DOCK10: variants seen among roughly 807,000 people sequenced by gnomAD.
DOCK10 encodes the protein dedicator of cytokinesis protein 10.
A neutral mutation model predicts 280.1 loss-of-function variants in DOCK10; 145 were observed. The observed-to-expected ratio is 0.52, with a 90% CI of 0.45 to 0.59. DOCK10 has a LOEUF of 0.59. Among genes scored for constraint, DOCK10 ranks in the 20% least tolerant of loss-of-function variants. The pLI is 0.00. For missense variants in DOCK10, 2,368 were observed against 2,651.7 expected (o/e 0.89, Z 2.35); for synonymous variants, 915 against 942.2 (o/e 0.97, Z 0.53).
intron 50 of DOCK10, among the ~76,000 whole-genome samples, chr2:224,781,977 G>A (rs535299447): frequency 9.2e-5 from 14 of 152,102 alleles, no homozygotes; most frequent in Non-Finnish European, 1.8e-4. Flanking sequence ...GAATGTATTT[G>A]AGGAGGAATC....
intron 1 of DOCK10, among the ~76,000 whole-genome samples, chr2:224,966,674 G>C (rs1016747601): frequency 2.6e-5 from 4 of 152,158 alleles, no homozygotes. Flanking sequence ...CCCTGAGAAA[G>C]AGGGGAATAA....
At chr2:224,897,792 G>A (rs926920780) in intron 3 of DOCK10, among the ~76,000 whole-genome samples, 4 of 152,124 alleles carry the variant, frequency 2.6e-5, no homozygotes, top group African/African-American at 7.2e-5. Flanking sequence ...ATAGTGGTAC[G>A]TAATGACGGA....
chr2:224,790,755 G>A (rs1471912), intron 47 of DOCK10, among the ~76,000 whole-genome samples: 29,409 of 151,836 alleles, frequency 0.19, 3,369 homozygotes, highest in African/African-American at 0.33. Flanking sequence ...ACTTTCTGGG[G>A]TCGCCTATCT....
chr2:224,981,875 TATAAA>T (rs1467890356), intron 1 of DOCK10, among the ~76,000 whole-genome samples: 22 of 152,342 alleles, frequency 1.4e-4, no homozygotes, highest in Middle Eastern at 3.4e-3. Flanking sequence ...AAATTATAGT[TATAAA>T]ATAAAATCCA....
chr2:224,955,676 G>A (rs1488122166), intron 1 of DOCK10, among the ~76,000 whole-genome samples: 3 of 152,196 alleles, frequency 2.0e-5, no homozygotes, highest in African/African-American at 7.2e-5. Flanking sequence ...TCTTGGGTTT[G>A]CAATCAAGAA....
chr2:224,983,380 C>T (rs1013716472), intron 1 of DOCK10: 7 of 179,058 alleles, frequency 3.9e-5, no homozygotes, highest in South Asian at 3.7e-4. Flanking sequence ...GAGCTGCTTG[C>T]GCTAAAAATA....
intron 1 of DOCK10, among the ~76,000 whole-genome samples, chr2:225,016,512 T>TATATATCTATATGCACATAGATAC (rs748862170): frequency 6.9e-5 from 10 of 145,814 alleles, no homozygotes; most frequent in African/African-American, 2.3e-4. Flanking sequence ...CATATATATG[T>TATATATCTATATGCACATAGATAC]ATATATCTAT....
chr2:224,983,325 T>C (rs1056779203), intron 1 of DOCK10: 2 of 157,726 alleles, frequency 1.3e-5, no homozygotes, highest in Non-Finnish European at 2.8e-5. Context: ...CTTTCTGGAA[T>C]GGCCTCAACA....
intron 1 of DOCK10, among the ~76,000 whole-genome samples, chr2:224,967,270 C>T (rs1278504074): frequency 2.6e-5 from 4 of 151,914 alleles, no homozygotes; most frequent in Admixed American, 6.5e-5. Context: ...TCAGTAGAGA[C>T]GGGGTTTCAC....
chr2:224,779,877 T>C (rs1213542057), intron 50 of DOCK10, among the ~76,000 whole-genome samples: 1 of 152,184 alleles, frequency 6.6e-6, no homozygotes, highest in Non-Finnish European at 1.5e-5. Flanking sequence ...ATCACCTGCT[T>C]CCTTGCACAT....
intron 26 of DOCK10, among the ~76,000 whole-genome samples, chr2:224,832,161 G>A: frequency 6.6e-6 from 1 of 152,176 alleles, no homozygotes; most frequent in Non-Finnish European, 1.5e-5. Flanking sequence ...TAAATTTTGT[G>A]CTAATCATTC....
intron 1 of DOCK10, among the ~76,000 whole-genome samples, chr2:224,986,905 C>A (rs1410887870): frequency 3.3e-5 from 5 of 152,180 alleles, no homozygotes; most frequent in Admixed American, 1.3e-4. Context: ...GGAATCATCA[C>A]CTCCTCGGAG....
intron 31 of DOCK10, among the ~76,000 whole-genome samples, chr2:224,812,747 T>C (rs979692092): frequency 4.6e-5 from 7 of 152,358 alleles, no homozygotes; most frequent in Admixed American, 1.3e-4. Flanking sequence ...GAGATAATCA[T>C]GTGGTTTTTG....
intron 40 of DOCK10, among the ~76,000 whole-genome samples, chr2:224,801,297 A>AAAAC (rs1027379554): frequency 3.3e-5 from 5 of 151,772 alleles, no homozygotes; most frequent in African/African-American, 1.2e-4. Context: ...AAAAAAAAAA[A>AAAAC]AAAAAACATA....
At chr2:224,858,871 T>C (rs1272616014) in intron 14 of DOCK10, among the ~76,000 whole-genome samples, 1 of 152,174 alleles carries the variant, frequency 6.6e-6, no homozygotes, top group African/African-American at 2.4e-5. Context: ...GTGTAAGCTT[T>C]TCGTTTTCTT....
At chr2:225,016,602 T>C (rs542934685) in intron 1 of DOCK10, among the ~76,000 whole-genome samples, 2 of 104,706 alleles carry the variant, frequency 1.9e-5, no homozygotes, top group African/African-American at 3.2e-5. Flanking sequence ...TATGTGCACA[T>C]AGATACATAT....
intron 3 of DOCK10, among the ~76,000 whole-genome samples, chr2:224,907,021 A>C (rs912477791): frequency 3.3e-5 from 5 of 152,234 alleles, no homozygotes; most frequent in African/African-American, 1.2e-4. Context: ...CAGTGGGACA[A>C]GAAATTTCTA....
At chr2:224,983,994 T>C (rs1023977965) in intron 1 of DOCK10, among the ~76,000 whole-genome samples, 2 of 152,200 alleles carry the variant, frequency 1.3e-5, no homozygotes, top group Non-Finnish European at 2.9e-5. Flanking sequence ...CTATATCTAA[T>C]GGTGTCCACT....
At chr2:224,963,030 C>G (rs183892119) in intron 1 of DOCK10, among the ~76,000 whole-genome samples, 210 of 152,180 alleles carry the variant, frequency 1.4e-3, no homozygotes, top group African/African-American at 4.8e-3. Flanking sequence ...AATTCGAGAT[C>G]TGACCATACT....
Sources: allele counts gnomAD v4.1 joint callset (sites outside exome capture counted in the v4.1 genomes callset), GRCh38; gene constraint gnomAD v4.1.1; transcripts MANE v1.5; gene names NCBI Gene and HGNC (gene_info 2026-07-23, HGNC 2026-07-21).